Variants in WDR37 observed in about 807,000 individuals in gnomAD.
The protein encoded by WDR37 is WD repeat-containing protein 37.
In WDR37, 19 loss-of-function variants were observed where a neutral mutation model predicts 62.9. The ratio of observed to expected loss-of-function variants is 0.30; its 90% confidence interval spans 0.21 to 0.44. WDR37 has a LOEUF of 0.44. WDR37 is among the 20% of genes least tolerant of loss of function. The pLI, the probability that WDR37 is intolerant of heterozygous loss-of-function variation, is 1.00. For missense variants in WDR37, 474 were observed against 657.6 expected (o/e 0.72, Z 3.05); for synonymous variants, 250 against 260.9 (o/e 0.96, Z 0.40).
At chr10:1,115,331 C>T (rs1835357245) in intron 11 of WDR37, among the ~76,000 whole-genome samples, 1 of 152,198 alleles carries the variant, frequency 6.6e-6, no homozygotes, top group Admixed American at 6.5e-5. Context: ...ACAAAACACA[C>T]ATCTAACCAA....
At chr10:1,120,194 T>C (rs536856575) in intron 11 of WDR37, among the ~76,000 whole-genome samples, 2 of 152,202 alleles carry the variant, frequency 1.3e-5, no homozygotes, top group Non-Finnish European at 2.9e-5. Flanking sequence ...AAGGCCGGGA[T>C]GGAGCTTCGG....
intron 9 of WDR37, among the ~76,000 whole-genome samples, chr10:1,102,217 G>C (rs11818314): frequency 0.081 from 11,121 of 137,672 alleles, 393 homozygotes; most frequent in Middle Eastern, 0.11. Context: ...CCGTGCTGCT[G>C]TGCGTCCCTG....
chr10:1,061,514 G>A (rs2131601862), intron 1 of WDR37, among the ~76,000 whole-genome samples: 1 of 152,182 alleles, frequency 6.6e-6, no homozygotes, highest in Admixed American at 6.5e-5. Context: ...GCGCAACATA[G>A]TTTATTCAGG....
chr10:1,129,172 G>A (rs199936364), intron 13 of WDR37, 41 bp from the exon 14 acceptor site: 26 of 1,601,384 alleles, frequency 1.6e-5, no homozygotes, highest in African/African-American at 5.4e-5. Flanking sequence ...TCTTACTTTC[G>A]GGAATAATGC....
Position 1,119,856 on chromosome 10 carries a change from A to ATCTC in WDR37, c.1104-4359_1104-4356dup, listed in dbSNP as rs373531787. Reference sequence around the variant, plus strand: ...CCCTTATCAGTGACTTAGTTGGGAAATCTCTCATTATTTCTGCCGAGAGGG... The same window carrying ATCTC: ...CCCTTATCAGTGACTTAGTTGGGAAATCTCTCTCTCATTATTTCTGCCGAGAGGG... On this transcript the variant is annotated intron_variant, in intron 11 of 13. Transcript: ENST00000263150. Among the ~76,000 whole-genome samples the ATCTC allele has an allele frequency of 4.7e-3, 723 of 152,264 alleles. 3 individuals carry two copies. The highest frequency in any genetic ancestry group is 7.1e-3 in the Non-Finnish European group (483 of 68,000).
Position 1,084,452 on chromosome 10 carries a change from T to C in WDR37, c.446T>C (p.Val149Ala), listed in dbSNP as rs1394728096. 1 of 1,614,050 alleles carries C rather than the reference T, an allele frequency of 6.2e-7. No homozygotes were observed. Among genetic ancestry groups the C allele is most frequent in the African/African-American group, 1.3e-5 (1 of 74,916 alleles). ...ACATCGAGAGCTGCCTGCCAGCTCG[T>C]GAAGGAGTACATCGGCCACCGGGAC... ...TTTSRAACQLVKEYIGHRDGI... is the reference protein window; with the variant it reads ...TTTSRAACQLAKEYIGHRDGI... Residue 149 changes from valine to alanine, a missense_variant, in exon 6 of 14, where the codon GTG becomes GCG. Val to Ala is a moderately conservative substitution (Grantham distance 64). Coordinates refer to ENST00000263150, the MANE Select transcript of WDR37 (RefSeq NM_014023.4).
In WDR37 at chr10:1,129,146, C is replaced by T. The variant is rs527640777; in HGVS notation, c.1354-67C>T. 47 of 1,587,442 alleles carry T rather than the reference C, an allele frequency of 3.0e-5. No homozygotes were observed. In the South Asian group the frequency reaches 4.3e-4, roughly 15 times the overall value. ...CTTTGAGTGATGTGGTTATTCATTTCGCTGAGGTCTTATAATCTTACTTTC... is the reference window on the plus strand; with the variant it reads ...CTTTGAGTGATGTGGTTATTCATTTTGCTGAGGTCTTATAATCTTACTTTC... On this transcript the variant is annotated intron_variant, in intron 13 of 13. Transcript: ENST00000263150.
intron 7 of WDR37, among the ~76,000 whole-genome samples, chr10:1,087,788 C>T (rs1287119204): frequency 2.0e-5 from 3 of 152,206 alleles, no homozygotes; most frequent in African/African-American, 7.2e-5. Context: ...AGTCACCAGC[C>T]GCATTCGCCC....
In WDR37 at chr10:1,084,787, G is replaced by A. The variant is rs547956895; in HGVS notation, c.532+249G>A. Among the ~76,000 whole-genome samples the A allele has an allele frequency of 3.3e-5, 5 of 152,320 alleles. No individual in the cohort carries two copies. In the South Asian group the frequency reaches 1.0e-3, roughly 32 times the overall value. On this transcript the variant is annotated intron_variant, in intron 6 of 13. Transcript: ENST00000263150. Reference sequence around the variant, plus strand: ...TTGTGGTCCCGTGGGTGGGTGTCCAGCTGCATCCTGCATTCCATGCTCCCA... The same window carrying A: ...TTGTGGTCCCGTGGGTGGGTGTCCAACTGCATCCTGCATTCCATGCTCCCA...
At chr10:1,097,153 G>A (rs1834614211) in intron 9 of WDR37, among the ~76,000 whole-genome samples, 1 of 152,216 alleles carries the variant, frequency 6.6e-6, no homozygotes, top group Non-Finnish European at 1.5e-5. Flanking sequence ...AGTTGTTAAG[G>A]GAAAGGGGAC....
intron 7 of WDR37, among the ~76,000 whole-genome samples, chr10:1,087,803 C>T (rs1834249725): frequency 6.6e-6 from 1 of 152,250 alleles, no homozygotes; most frequent in Non-Finnish European, 1.5e-5. Flanking sequence ...TCGCCCCTAA[C>T]AAGAGTCAGC....
At chr10:1,094,435 CA>C (rs1001244668) in intron 8 of WDR37, among the ~76,000 whole-genome samples, 1 of 152,184 alleles carries the variant, frequency 6.6e-6, no homozygotes, top group Non-Finnish European at 1.5e-5. Flanking sequence ...GTGTGGGATG[CA>C]GCGAGTCATG....
At chr10:1,080,333 CAA>C in intron 4 of WDR37, 77 bp from the exon 5 acceptor site, 2 of 1,575,248 alleles carry the variant, frequency 1.3e-6, no homozygotes, top group Non-Finnish European at 1.7e-6. Flanking sequence ...TCTTCCTGTG[CAA>C]GACACAAGAC....
chr10:1,080,364 G>C, intron 4 of WDR37, 48 bp from the exon 5 acceptor site: 1 of 1,612,518 alleles, frequency 6.2e-7, no homozygotes. Context: ...GAGGCTATAG[G>C]TCTTTGATTG....
intron 11 of WDR37, among the ~76,000 whole-genome samples, chr10:1,113,950 CTTT>C (rs56654628): frequency 3.1e-4 from 24 of 76,196 alleles, no homozygotes; most frequent in Admixed American, 6.3e-4. Context: ...GGTAAAATGC[CTTT>C]TTTTTTTTTT....
intron 11 of WDR37, among the ~76,000 whole-genome samples, chr10:1,106,226 A>G (rs1382704864): frequency 2.6e-5 from 4 of 151,672 alleles, no homozygotes; most frequent in Non-Finnish European, 4.4e-5. Flanking sequence ...TTCTCTTTTA[A>G]TCTCTGTTCC....
intron 13 of WDR37, among the ~76,000 whole-genome samples, chr10:1,125,274 T>G (rs1490793032): frequency 6.6e-6 from 1 of 152,002 alleles, no homozygotes; most frequent in Non-Finnish European, 1.5e-5. Flanking sequence ...TGGAGTGCAG[T>G]GGCATGATCT....
At chr10:1,127,497 C>A (rs1380250393) in intron 13 of WDR37, among the ~76,000 whole-genome samples, 3 of 152,194 alleles carry the variant, frequency 2.0e-5, no homozygotes, top group Non-Finnish European at 4.4e-5. Context: ...AGCTGACTGA[C>A]TTGAAAAAGA....
chr10:1,058,884 A>T (rs758345444), intron 1 of WDR37, among the ~76,000 whole-genome samples: 1 of 152,212 alleles, frequency 6.6e-6, no homozygotes, highest in Non-Finnish European at 1.5e-5. Flanking sequence ...GCAATTTTCA[A>T]TTTATTTCTC....
Sources: gnomAD v4.1 joint callset for allele counts (sites outside exome capture counted in the v4.1 genomes callset) on GRCh38, gnomAD v4.1.1 for gene constraint, MANE v1.5 for transcripts, NCBI Gene and HGNC (gene_info 2026-07-23, HGNC 2026-07-21) for gene names.